ZGRF1: variants seen among roughly 807,000 people sequenced by gnomAD.
The protein encoded by ZGRF1 is 5'-3' DNA helicase ZGRF1.
Under a neutral mutation model 203.5 loss-of-function variants are expected in ZGRF1, and 196 were observed. The observed-to-expected ratio is 0.96, with a 90% confidence interval of 0.86 to 1.08. The LOEUF (loss-of-function observed/expected upper bound fraction) is 1.08, where lower values mean the gene tolerates loss of function less well. Among genes scored for constraint, ZGRF1 ranks in the 50% least tolerant of loss-of-function variants. ZGRF1 has a pLI of 0.00. For missense variants in ZGRF1, 2,326 were observed against 2,416.3 expected, an observed-to-expected ratio of 0.96 and a Z score of 0.78; for synonymous variants, 809 against 841.3, an observed-to-expected ratio of 0.96 and a Z score of 0.66.
At chr4:112,609,790 C>T (rs1751313346) in intron 7 of ZGRF1, among the ~76,000 whole-genome samples, 1 of 150,180 alleles carries the variant, frequency 6.7e-6, no homozygotes, top group Non-Finnish European at 1.5e-5. Context: ...AAGAGCAAGA[C>T]TCCATCTCAA....
chr4:112,598,067 A>G (rs1246127130), intron 10 of ZGRF1, among the ~76,000 whole-genome samples: 2 of 142,398 alleles, frequency 1.4e-5, no homozygotes, highest in Admixed American at 7.6e-5. Context: ...TCAAAGATGT[A>G]CTCCAGCATA....
Position 112,591,907 on chromosome 4 carries a change from G to A in ZGRF1, c.2977-2033C>T, listed in dbSNP as rs150760436. On this transcript the variant is annotated intron_variant, in intron 10 of 27. Transcript: ENST00000505019. ...ATTTATTTTCTGTCTCCTTTAACTAGAATGTAAGTTCTATGAGGGAAAGAT... is the reference window on the plus strand; with the variant it reads ...ATTTATTTTCTGTCTCCTTTAACTAAAATGTAAGTTCTATGAGGGAAAGAT... Among the ~76,000 whole-genome samples the A allele has an allele frequency of 1.4e-3, 209 of 152,148 alleles. 3 individuals are homozygous for A. The highest frequency in any genetic ancestry group is 0.01 in the Middle Eastern group (3 of 294).
At chr4:112,576,790 A>G (rs1343958672) in intron 16 of ZGRF1, among the ~76,000 whole-genome samples, 1 of 152,174 alleles carries the variant, frequency 6.6e-6, no homozygotes, top group East Asian at 1.9e-4. Flanking sequence ...AAAAGACCAA[A>G]TCTACGTCTG....
intron 3 of ZGRF1, among the ~76,000 whole-genome samples, chr4:112,628,116 C>T (rs1327636679): frequency 6.6e-6 from 1 of 152,124 alleles, no homozygotes; most frequent in Non-Finnish European, 1.5e-5. Flanking sequence ...CTCATAGAAT[C>T]CTAAACAAAC....
chr4:112,573,167 TAC>T (rs145611842), intron 16 of ZGRF1, among the ~76,000 whole-genome samples: 2,193 of 145,560 alleles, frequency 0.015, 57 homozygotes, highest in East Asian at 0.12. Flanking sequence ...GAAATTGTGA[TAC>T]ACACACACAC....
intron 1 of ZGRF1, among the ~76,000 whole-genome samples, chr4:112,635,143 A>AAG (rs1218401522): frequency 2.0e-5 from 3 of 151,902 alleles, no homozygotes; most frequent in African/African-American, 4.8e-5. Context: ...AAAAAAAAAA[A>AAG]AAAAGAAATA....
At chr4:112,620,449 C>T (rs901787923) in intron 4 of ZGRF1, among the ~76,000 whole-genome samples, 5 of 152,180 alleles carry the variant, frequency 3.3e-5, no homozygotes, top group African/African-American at 1.2e-4. Context: ...CGTGGTAGCT[C>T]ACACCCGTAA....
intron 22 of ZGRF1, among the ~76,000 whole-genome samples, chr4:112,553,031 G>GT (rs1740247295): frequency 6.6e-6 from 1 of 152,226 alleles, no homozygotes; most frequent in South Asian, 2.1e-4. Context: ...GTCATAAGCT[G>GT]TTGTCTTAAA....
At chr4:112,606,657 CA>C (rs201280347) in intron 8 of ZGRF1, among the ~76,000 whole-genome samples, 2,048 of 91,632 alleles carry the variant, frequency 0.022, 13 homozygotes, top group Middle Eastern at 0.1. Flanking sequence ...AACTCCGTCT[CA>C]AAAAAAAAAA....
chr4:112,596,752 C>G (rs1187355890), intron 10 of ZGRF1, among the ~76,000 whole-genome samples: 1 of 152,082 alleles, frequency 6.6e-6, no homozygotes, highest in African/African-American at 2.4e-5. Context: ...TGCCACCACG[C>G]CTGGCTAATT....
chr4:112,633,981 A>G (rs777349236), intron 1 of ZGRF1, among the ~76,000 whole-genome samples: 34 of 152,190 alleles, frequency 2.2e-4, no homozygotes, highest in Non-Finnish European at 2.5e-4. Flanking sequence ...GAAGCCCTCC[A>G]AGTGATGCTG....
At chr4:112,586,659 A>G in intron 12 of ZGRF1, 76 bp from the exon 13 acceptor site, 1 of 1,120,568 alleles carries the variant, frequency 8.9e-7, no homozygotes. Flanking sequence ...TATTTTTCAT[A>G]GACATTTTTT....
chr4:112,547,178 T>C (rs1225471755), intron 24 of ZGRF1, 107 bp downstream of exon 24: 1 of 1,153,022 alleles, frequency 8.7e-7, no homozygotes, highest in Non-Finnish European at 1.2e-6. Context: ...TTATACATTA[T>C]TTTAAGGCAG....
intron 9 of ZGRF1, among the ~76,000 whole-genome samples, chr4:112,605,008 T>C (rs1455166221): frequency 6.6e-6 from 1 of 152,184 alleles, no homozygotes; most frequent in Non-Finnish European, 1.5e-5. Flanking sequence ...AATGCCCCTT[T>C]AATAGGACTT....
In ZGRF1 at chr4:112,587,423, G is replaced by A; in HGVS notation, c.3634C>T (p.Gln1212Ter). 1 of 1,613,938 alleles carries A rather than the reference G, an allele frequency of 6.2e-7. No individual in the cohort carries two copies. The highest frequency in any genetic ancestry group is 1.6e-4 in the Middle Eastern group (1 of 6,062). ...LQMIKGMLYQ[Q>*]RQDFSSQDSV... ...TCTTGACTGCTAAAATCCTGCCGCTGTTGATAGAGCATGCCTTTTATCATT... is the reference window on the plus strand; with the variant it reads ...TCTTGACTGCTAAAATCCTGCCGCTATTGATAGAGCATGCCTTTTATCATT... Residue 1212 changes from glutamine (Q) to a stop codon, truncating the protein, a stop_gained, in exon 12 of 28, where the codon CAG becomes TAG. Coordinates refer to ENST00000505019, the MANE Select transcript of ZGRF1 (RefSeq NM_018392.5). LOFTEE classifies it high-confidence loss of function.
intron 16 of ZGRF1, among the ~76,000 whole-genome samples, chr4:112,566,521 A>T (rs943799674): frequency 1.3e-5 from 2 of 150,036 alleles, no homozygotes; most frequent in Non-Finnish European, 2.9e-5. Context: ...AAATAAATAA[A>T]AAATAAATTT....
intron 10 of ZGRF1, among the ~76,000 whole-genome samples, chr4:112,595,017 A>AG (rs1748762393): frequency 1.3e-5 from 2 of 151,912 alleles, no homozygotes; most frequent in Non-Finnish European, 2.9e-5. Flanking sequence ...TGAGGCAGGC[A>AG]GATCACCTGA....
At position 112,617,634 on chromosome 4, in the gene ZGRF1, G is replaced by T. The variant is rs932032258; in HGVS notation, c.2408C>A (p.Thr803Asn). The change falls in exon 6 of 28, where the codon ACT (threonine) becomes AAT (asparagine). Residue 803 changes from threonine (T) to asparagine (N), a missense_variant. Transcript: ENST00000505019. ...SPPPDHVEVE[T>N]AREGKQYWNP... Reference sequence around the variant, plus strand: ...CCAGTATTGTTTGCCTTCTCTGGCAGTTTCAACCTCAACATGGTCAGGGGG... The same window carrying T: ...CCAGTATTGTTTGCCTTCTCTGGCATTTTCAACCTCAACATGGTCAGGGGG... 1.9e-6 allele frequency: 3 copies of T among 1,613,506 alleles called. No homozygotes were observed. In the Admixed American group the frequency reaches 5.0e-5, roughly 27 times the overall value.
intron 19 of ZGRF1, among the ~76,000 whole-genome samples, chr4:112,559,640 C>G (rs1166477522): frequency 6.6e-6 from 1 of 152,184 alleles, no homozygotes; most frequent in Non-Finnish European, 1.5e-5. Flanking sequence ...TCCCATGTGC[C>G]AAGCACTGTT....
Sources: allele counts gnomAD v4.1 joint callset (sites outside exome capture counted in the v4.1 genomes callset), GRCh38; gene constraint gnomAD v4.1.1; transcripts MANE v1.5; gene names NCBI Gene and HGNC (gene_info 2026-07-23, HGNC 2026-07-21).